Variants in VPS72 observed in about 807,000 individuals in gnomAD.
VPS72 encodes vacuolar protein sorting-associated protein 72 homolog.
A neutral mutation model predicts 38.9 loss-of-function variants in VPS72; 27 were observed. The observed-to-expected ratio is 0.69, with a 90% CI of 0.51 to 0.96. The LOEUF is 0.96. Among genes scored for constraint, VPS72 ranks in the 40% least tolerant of loss-of-function variants. VPS72 has a pLI of 0.00. For synonymous variants in VPS72, 173 were observed against 186.3 expected, an observed-to-expected ratio of 0.93 and a Z score of 0.58; for missense variants, 360 against 479.5, an observed-to-expected ratio of 0.75 and a Z score of 2.33.
At position 151,177,034 on chromosome 1, in the gene VPS72, G is replaced by A. The variant is rs937290188; in HGVS notation, c.708-3C>T. ...ACACCGAGGGAGCAGGATCAAGTCT[G>A]AGGACAAAAGACAAGGAAAAACACA... On this transcript the variant is annotated splice_polypyrimidine_tract_variant and splice_region_variant and intron_variant, in intron 5 of 5. Coordinates refer to ENST00000368892, the MANE Select transcript of VPS72 (RefSeq NM_005997.3). The A allele has an allele frequency of 3.3e-6, 5 of 1,537,754 alleles. No individual in the cohort carries two copies. Among genetic ancestry groups the A allele is most frequent in the Non-Finnish European group, 4.4e-6 (5 of 1,144,040 alleles).
At position 151,185,811 on chromosome 1, in the gene VPS72, G is replaced by A; in HGVS notation, c.257C>T (p.Thr86Ile). ...EEPRRKRRVV[T>I]KAYKEPLKSL... ...CTCCCCCTGTACCTTATAGGCCTTG[G>A]TGACTACTCGGCGCTTCCTTCTTGG... Residue 86 changes from threonine (T) to isoleucine (I), a missense_variant, in exon 2 of 6, where the codon ACC (threonine) becomes ATC (isoleucine). Thr to Ile is a moderately conservative substitution (Grantham distance 89). This residue lies in a region of VPS72 where 66 missense variants were observed against 123.1 expected (regional missense o/e 0.54). Transcript: ENST00000368892. 2 of 1,614,180 alleles carry A rather than the reference G, an allele frequency of 1.2e-6. No homozygotes were observed. Among genetic ancestry groups the A allele is most frequent in the Middle Eastern group, 1.6e-4 (1 of 6,062 alleles).
At chr1:151,180,050 G>A (rs1383539848) in intron 4 of VPS72, among the ~76,000 whole-genome samples, 1 of 151,862 alleles carries the variant, frequency 6.6e-6, no homozygotes, top group African/African-American at 2.4e-5. Flanking sequence ...CAGGTGCGGT[G>A]GCTCATGCCT....
At chr1:151,177,295 G>C (rs1469945377) in intron 5 of VPS72, among the ~76,000 whole-genome samples, 2 of 150,802 alleles carry the variant, frequency 1.3e-5, no homozygotes, top group African/African-American at 4.9e-5. Context: ...TGAGGCAGGA[G>C]AATCACTTGA....
intron 4 of VPS72, among the ~76,000 whole-genome samples, chr1:151,182,777 C>T (rs181684191): frequency 1.3e-5 from 2 of 152,316 alleles, no homozygotes; most frequent in East Asian, 1.9e-4. Flanking sequence ...TTCTCCAACT[C>T]GTTGGTCACT....
At position 151,176,529 on chromosome 1, in the gene VPS72, AG is replaced by A. The variant is rs1051301934; in HGVS notation, c.*114del. On this transcript the variant is annotated 3_prime_UTR_variant, in exon 6 of 6. Transcript: ENST00000368892. ...TGTAAGAACTAGGGGAAAAGGAAAAAGAAACAGATTAGGCAAAGATCAGAGA... is the reference window on the plus strand; with the variant it reads ...TGTAAGAACTAGGGGAAAAGGAAAAAAAACAGATTAGGCAAAGATCAGAGA... 66 of 1,471,772 alleles carry A rather than the reference AG, an allele frequency of 4.5e-5. No homozygotes were observed. Among genetic ancestry groups the A allele is most frequent in the Non-Finnish European group, 5.7e-5 (63 of 1,102,726 alleles). 91.2% of individuals were successfully genotyped at this position (1,471,772 alleles called of 1,614,324 possible). A position where few individuals can be genotyped will look rare whatever the true frequency, so the allele number is the denominator to read the frequency against.
At chr1:151,184,270 A>G in intron 4 of VPS72, 47 bp downstream of exon 4, 1 of 1,586,066 alleles carries the variant, frequency 6.3e-7, no homozygotes, top group South Asian at 1.1e-5. Flanking sequence ...GGTTTTTCTC[A>G]TGCCCCTCAG....
At position 151,184,393 on chromosome 1, in the gene VPS72, G is replaced by C; in HGVS notation, c.486C>G (p.His162Gln). Residue 162 changes from histidine to glutamine, a missense_variant, in exon 4 of 6, where the codon CAC (histidine) becomes CAG (glutamine). Transcript: ENST00000368892. ...QGQSRRRKGP[H>Q]CERPLTQEEL... ...CCTCCTGGGTTAGTGGCCGCTCACA[G>C]TGGGGCCCCTTTCGCCGTCTTGACT... The C allele has an allele frequency of 4.3e-6, 7 of 1,614,130 alleles. No individual in the cohort carries two copies. The highest frequency in any genetic ancestry group is 5.1e-6 in the Non-Finnish European group (6 of 1,180,036).
chr1:151,189,879 C>T, intron 1 of VPS72, 126 bp downstream of exon 1: 1 of 1,141,082 alleles, frequency 8.8e-7, no homozygotes. Context: ...GATTCACCCA[C>T]CCAACTCGAG....
chr1:151,178,753 C>T (rs1029019055), intron 4 of VPS72, among the ~76,000 whole-genome samples: 1 of 152,172 alleles, frequency 6.6e-6, no homozygotes, highest in African/African-American at 2.4e-5. Context: ...ATTAGCTGAG[C>T]TGAGTAACTG....
intron 3 of VPS72, among the ~76,000 whole-genome samples, chr1:151,184,905 G>A (rs745819959): frequency 6.6e-6 from 1 of 151,958 alleles, no homozygotes; most frequent in Admixed American, 6.6e-5. Flanking sequence ...TCAAACCTAC[G>A]AAGTTGCAAG....
At chr1:151,181,313 C>G (rs933414802) in intron 4 of VPS72, among the ~76,000 whole-genome samples, 1 of 151,132 alleles carries the variant, frequency 6.6e-6, no homozygotes, top group Non-Finnish European at 1.5e-5. Context: ...TCTCCACTCA[C>G]TGCAACCTCC....
chr1:151,184,293 C>T (rs1184746083), intron 4 of VPS72, 24 bp downstream of exon 4: 1 of 1,611,052 alleles, frequency 6.2e-7, no homozygotes, highest in Non-Finnish European at 8.5e-7. Flanking sequence ...CCTCTACTCA[C>T]TTTTTCTGAA....
intron 1 of VPS72, among the ~76,000 whole-genome samples, chr1:151,187,755 A>C (rs1299897191): frequency 6.6e-6 from 1 of 152,228 alleles, no homozygotes; most frequent in Non-Finnish European, 1.5e-5. Flanking sequence ...AAGAAATACA[A>C]GGTTTGGCTA....
At chr1:151,183,374 A>ATC (rs1436967983) in intron 4 of VPS72, among the ~76,000 whole-genome samples, 1 of 134,072 alleles carries the variant, frequency 7.5e-6, no homozygotes, top group Non-Finnish European at 1.6e-5. Context: ...GTGAGCCGAG[A>ATC]TCATACCACT....
chr1:151,182,065 T>G (rs757737170), intron 4 of VPS72, among the ~76,000 whole-genome samples: 149 of 152,162 alleles, frequency 9.8e-4, no homozygotes, highest in Non-Finnish European at 1.7e-3. Flanking sequence ...TTCACTCTTG[T>G]TACCCAGGCT....
At chr1:151,183,243 G>T (rs1684276903) in intron 4 of VPS72, among the ~76,000 whole-genome samples, 1 of 151,156 alleles carries the variant, frequency 6.6e-6, no homozygotes, top group African/African-American at 2.4e-5. Context: ...CCAACATGGT[G>T]AAACCCCATC....
At chr1:151,177,267 C>T (rs1211083629) in intron 5 of VPS72, among the ~76,000 whole-genome samples, 1 of 151,722 alleles carries the variant, frequency 6.6e-6, no homozygotes, top group Admixed American at 6.6e-5. Flanking sequence ...TGCCTGTAAT[C>T]ACAGCTACTC....
At chr1:151,185,722 A>G in intron 2 of VPS72, 76 bp downstream of exon 2, 1 of 1,610,764 alleles carries the variant, frequency 6.2e-7, no homozygotes. Flanking sequence ...TGGAAGTGGC[A>G]TAGGGAGTAC....
chr1:151,177,004 T>C lies in VPS72; in HGVS notation c.735A>G (p.Ala245=), dbSNP rs1285737213. ...GTCCAGTCCCAGCATGAGGAGTCAA[T>C]GCAGACACCGAGGGAGCAGGATCAA... ...EGLDPAPSVS[A]LTPHAGTGPV... Residue 245 remains alanine, a synonymous_variant, in exon 6 of 6, where the codon GCA becomes GCG. Transcript: ENST00000368892. 1.3e-6 allele frequency: 2 copies of C among 1,581,294 alleles called. No homozygotes were observed. Among genetic ancestry groups the C allele is most frequent in the Non-Finnish European group, 8.6e-7 (1 of 1,161,938 alleles).
Sources: allele counts gnomAD v4.1 joint callset (sites outside exome capture counted in the v4.1 genomes callset), GRCh38; gene constraint gnomAD v4.1.1; regional missense constraint gnomAD v4.1.1; transcripts MANE v1.5; gene names NCBI Gene and HGNC (gene_info 2026-07-23, HGNC 2026-07-21).